The following C10orf67 variants were observed in gnomAD, a reference collection of about 807,000 sequenced individuals.
C10orf67 encodes the protein chromosome 10 open reading frame 67.
Under a neutral mutation model 35.6 loss-of-function variants are expected in C10orf67, and 60 were observed. The observed-to-expected ratio is 1.68, with a 90% CI of 1.37 to 2.09. The LOEUF is 2.09. Ranked by LOEUF, C10orf67 falls within the 30% of genes most tolerant of loss-of-function variation. The pLI is 0.00. For missense variants in C10orf67, 474 were observed against 330.2 expected, an observed-to-expected ratio of 1.44 and a Z score of -3.38; for synonymous variants, 167 against 115.8, an observed-to-expected ratio of 1.44 and a Z score of -2.84.
rs186645479 is a variant in C10orf67, at chr10:23,305,811, C to T, written c.547-2352G>A. On this transcript the variant is annotated intron_variant, in intron 4 of 15. Coordinates refer to ENST00000636213, the MANE Select transcript of C10orf67 (RefSeq NM_001371909.1). ...AAACTAGAACTGCCATATGATCCAG[C>T]TATCCTACTTCTGGGTATATATTCA... Among the ~76,000 whole-genome samples the T allele has an allele frequency of 7.9e-4, 121 of 152,282 alleles. 2 individuals carry two copies. The highest frequency in any genetic ancestry group is 3.1e-3 in the Admixed American group (48 of 15,294).
chr10:23,252,896 C>T (rs1051302574), intron 10 of C10orf67, among the ~76,000 whole-genome samples: 12 of 152,076 alleles, frequency 7.9e-5, no homozygotes, highest in African/African-American at 2.9e-4. Flanking sequence ...ATAATTCCCA[C>T]GTGTTGTGGG....
chr10:23,223,813 T>G lies in C10orf67; in HGVS notation c.1440A>C (p.Val480=), dbSNP rs762884017. Residue 480 remains valine (V), a synonymous_variant, in exon 14 of 16, where the codon GTA becomes GTC. Transcript: ENST00000636213. ...LADTSFNYIK[V]KPLLVQSRTT... is the part of the protein sequence containing the mutation. ...TTCTAGACTGCACTAATAAGGGTTT[T>G]ACTTTCTGAAAGACACAAAAGATAT... 1 of 715,202 alleles carries G rather than the reference T, an allele frequency of 1.4e-6. No homozygotes were observed. The highest frequency in any genetic ancestry group is 2.6e-6 in the Non-Finnish European group (1 of 384,884). 44.3% of individuals were successfully genotyped at this position (715,202 alleles called of 1,614,324 possible).
intron 15 of C10orf67, among the ~76,000 whole-genome samples, chr10:23,211,478 T>TGGG (rs200194805): frequency 7.5e-5 from 11 of 147,534 alleles, no homozygotes; most frequent in East Asian, 2.0e-4. Flanking sequence ...TGTGTGTGTG[T>TGGG]GGGGGGGGGG....
At chr10:23,343,668 G>C (rs1290738889) in intron 1 of C10orf67, among the ~76,000 whole-genome samples, 1 of 152,208 alleles carries the variant, frequency 6.6e-6, no homozygotes, top group Non-Finnish European at 1.5e-5. Context: ...CCCTGTGAGA[G>C]GGTCGCCAAG....
At chr10:23,299,778 C>T (rs950844501) in intron 5 of C10orf67, among the ~76,000 whole-genome samples, 1 of 151,988 alleles carries the variant, frequency 6.6e-6, no homozygotes, top group Non-Finnish European at 1.5e-5. Context: ...GAGATCAAGA[C>T]CATCCTGGCT....
chr10:23,318,892 G>A (rs777373430), intron 4 of C10orf67: 3 of 777,842 alleles, frequency 3.9e-6, no homozygotes, highest in South Asian at 2.7e-5. Context: ...CACATCCAGA[G>A]TATCTCAATG....
At chr10:23,311,419 T>A (rs1418099217) in intron 4 of C10orf67, among the ~76,000 whole-genome samples, 1 of 152,148 alleles carries the variant, frequency 6.6e-6, no homozygotes, top group Non-Finnish European at 1.5e-5. Flanking sequence ...GAGTTTGAAA[T>A]TCCAGCTTGG....
chr10:23,225,244 C>T (rs1263492449), intron 13 of C10orf67, among the ~76,000 whole-genome samples: 3 of 151,632 alleles, frequency 2.0e-5, no homozygotes, highest in African/African-American at 7.3e-5. Flanking sequence ...AATTTTCAAC[C>T]CAGAATTTCA....
At chr10:23,328,641 G>C (rs920299495) in intron 2 of C10orf67, among the ~76,000 whole-genome samples, 2 of 150,386 alleles carry the variant, frequency 1.3e-5, no homozygotes, top group Non-Finnish European at 2.9e-5. Context: ...TAAACACGGA[G>C]CTATATGCTA....
In C10orf67 at chr10:23,344,747, G is replaced by A. The variant is rs772176578; in HGVS notation, c.28C>T (p.His10Tyr). ...CTAATAACTATGCTCATGACATAAT[G>A]AGCCCTGCGATCCCGGACCAAGGCC... MALVRDRRA[H>Y]YVMSIVIRWV... Residue 10 changes from histidine to tyrosine, a missense_variant, in exon 1 of 16, where the codon CAT becomes TAT. Coordinates refer to ENST00000636213, the MANE Select transcript of C10orf67 (RefSeq NM_001371909.1). 3 of 1,569,042 alleles carry A rather than the reference G, an allele frequency of 1.9e-6. No individual in the cohort carries two copies. The highest frequency in any genetic ancestry group is 1.2e-5 in the South Asian group (1 of 85,010).
intron 5 of C10orf67, among the ~76,000 whole-genome samples, chr10:23,297,588 G>A (rs1222220238): frequency 6.6e-6 from 1 of 152,156 alleles, no homozygotes; most frequent in East Asian, 1.9e-4. Context: ...GCTTTTCGAA[G>A]TCCTTTTTCT....
At chr10:23,317,056 G>C (rs998244827) in intron 4 of C10orf67, 3 of 152,818 alleles carry the variant, frequency 2.0e-5, no homozygotes, top group African/African-American at 4.8e-5. Context: ...TCCTGCTGCT[G>C]TTCATGGTGC....
At chr10:23,278,556 G>C (rs1245622408) in intron 8 of C10orf67, among the ~76,000 whole-genome samples, 1 of 152,184 alleles carries the variant, frequency 6.6e-6, no homozygotes, top group Non-Finnish European at 1.5e-5. Context: ...CAGCAGGTAA[G>C]ATAACAGGCC....
At chr10:23,276,825 C>A (rs1403036779) in intron 8 of C10orf67, among the ~76,000 whole-genome samples, 1 of 151,928 alleles carries the variant, frequency 6.6e-6, no homozygotes, top group African/African-American at 2.4e-5. Flanking sequence ...GGGGTAATGG[C>A]TTATATTTAT....
chr10:23,277,582 C>T lies in C10orf67; in HGVS notation c.975+4431G>A, dbSNP rs965371877. 4.0e-5 allele frequency among the ~76,000 whole-genome samples: 6 copies of T among 151,414 alleles called. No individual in the cohort carries two copies. The East Asian group carries it at 7.7e-4, about 20-fold the overall frequency. ...AAAAAAAAAAATAATAACACACACA[C>T]GTATACAAAATACACACATATGTAA... On this transcript the variant is annotated intron_variant, in intron 8 of 15. Coordinates refer to ENST00000636213, the MANE Select transcript of C10orf67 (RefSeq NM_001371909.1).
At position 23,340,831 on chromosome 10, in the gene C10orf67, G is replaced by A. The variant is rs114892005; in HGVS notation, c.206+3738C>T. Among the ~76,000 whole-genome samples the A allele has an allele frequency of 9.4e-3, 1,426 of 152,016 alleles. 4 individuals carry two copies. Among genetic ancestry groups the A allele is most frequent in the African/African-American group, 0.021 (889 of 41,446 alleles). On this transcript the variant is annotated intron_variant, in intron 1 of 15. Coordinates refer to ENST00000636213, the MANE Select transcript of C10orf67 (RefSeq NM_001371909.1). ...TGGTTATGCATAAAACAGAATTTGG[G>A]GAAGATAATTATGTTTTTTAAAATA...
intron 1 of C10orf67, chr10:23,344,078 T>G: frequency 4.2e-6 from 1 of 238,708 alleles, no homozygotes; most frequent in Non-Finnish European, 8.9e-6. Flanking sequence ...TCCGTTGCCA[T>G]GGCGACTCCC....
chr10:23,310,588 C>T (rs1445397854), intron 4 of C10orf67, among the ~76,000 whole-genome samples: 1 of 152,186 alleles, frequency 6.6e-6, no homozygotes, highest in African/African-American at 2.4e-5. Flanking sequence ...CTGCTGGCAT[C>T]CTGTCACCTC....
chr10:23,331,077 A>G (rs1349992693), intron 2 of C10orf67, among the ~76,000 whole-genome samples: 2 of 39,858 alleles, frequency 5.0e-5, no homozygotes, highest in African/African-American at 9.8e-5. Flanking sequence ...GGAAGGGAGG[A>G]GGGAGGGGAT....
Sources: allele counts gnomAD v4.1 joint callset (sites outside exome capture counted in the v4.1 genomes callset), GRCh38; gene constraint gnomAD v4.1.1; transcripts MANE v1.5; gene names NCBI Gene and HGNC (gene_info 2026-07-23, HGNC 2026-07-21).